Variants in KIAA0586 observed in about 807,000 individuals in gnomAD.
KIAA0586 encodes protein TALPID3.
In KIAA0586, 144 loss-of-function variants were observed where a neutral mutation model predicts 169.8. The ratio of observed to expected loss-of-function variants is 0.85; its 90% CI spans 0.74 to 0.97. KIAA0586 has a LOEUF of 0.97. Among genes scored for constraint, KIAA0586 ranks in the 50% least tolerant of loss-of-function variants. The pLI is 0.00. For synonymous variants in KIAA0586, 625 were observed against 612.4 expected (o/e 1.02, Z -0.30); for missense variants, 1,854 against 1,823.0 (o/e 1.02, Z -0.31).
rs1442622583 is a variant in KIAA0586 at position 58,434,305 on chromosome 14, G to T, written c.410+1848G>T. 2.6e-5 allele frequency among the ~76,000 whole-genome samples: 4 copies of T among 152,028 alleles called. No homozygotes were observed. In the East Asian group the frequency reaches 7.7e-4, roughly 29 times the overall value. On this transcript the variant is annotated intron_variant, in intron 4 of 30. Transcript: ENST00000652326. The stretch of plus-strand genomic sequence containing the variant: ...TACAAATTAAGAAATCTAGATGAAA[G>T]AAATAACTCACCAAAAATAACCATA...
chr14:58,450,507 C>G lies in KIAA0586; in HGVS notation c.962-72C>G, dbSNP rs1748970. 1 allele frequency: 800,535 copies of G among 802,190 alleles called. 399,450 individuals carry two copies. The highest frequency in any genetic ancestry group is 1 in the East Asian group (38,290 of 38,290). The allele number at this position is 802,190 out of a possible 1,614,324, so 49.7% of individuals were successfully genotyped here. ...TTTGAATTTATTTTTAAAGTATAGG[C>G]AAGAGTAATATGCTATAATTTTTAA... On this transcript the variant is annotated intron_variant, in intron 7 of 30. Transcript: ENST00000652326.
chr14:58,493,856 G>A (rs559002567), intron 26 of KIAA0586, among the ~76,000 whole-genome samples: 186 of 152,104 alleles, frequency 1.2e-3, no homozygotes, highest in African/African-American at 4.1e-3. Flanking sequence ...GAGAGAAAGC[G>A]CATGTGCGGG....
chr14:58,490,879 T>C (rs1008848518), intron 25 of KIAA0586, among the ~76,000 whole-genome samples: 7 of 152,174 alleles, frequency 4.6e-5, no homozygotes, highest in Non-Finnish European at 2.9e-5. Flanking sequence ...CATCTATGTT[T>C]ATTCACATCT....
chr14:58,507,966 A>G (rs1175412162), intron 27 of KIAA0586, among the ~76,000 whole-genome samples: 8 of 151,912 alleles, frequency 5.3e-5, no homozygotes, highest in Non-Finnish European at 1.2e-4. Flanking sequence ...TTGTATTTTT[A>G]GTAGAGACAG....
At chr14:58,473,276 A>G (rs1042369783) in intron 18 of KIAA0586, among the ~76,000 whole-genome samples, 2 of 152,110 alleles carry the variant, frequency 1.3e-5, no homozygotes, top group Non-Finnish European at 2.9e-5. Flanking sequence ...TGTGAAGGGG[A>G]AAGTGGCTAG....
intron 27 of KIAA0586, among the ~76,000 whole-genome samples, chr14:58,507,346 TATCATATATAATATATC>T (rs1257775020): frequency 6.9e-6 from 1 of 145,124 alleles, no homozygotes; most frequent in Non-Finnish European, 1.5e-5. Context: ...AAATATATAA[TATCATATATAATATATC>T]ATATATATGA....
chr14:58,440,468 A>G (rs1183048201), intron 4 of KIAA0586, among the ~76,000 whole-genome samples: 1 of 152,130 alleles, frequency 6.6e-6, no homozygotes, highest in East Asian at 1.9e-4. Context: ...AGTAGCTGGT[A>G]TTACAGGCTC....
chr14:58,534,644 G>A (rs2046174411), intron 29 of KIAA0586, among the ~76,000 whole-genome samples: 1 of 151,970 alleles, frequency 6.6e-6, no homozygotes, highest in African/African-American at 2.4e-5. Flanking sequence ...CAGTGCACTG[G>A]TATTTCAAGG....
chr14:58,554,008 C>G (rs1042190242), downstream of KIAA0586, among the ~76,000 whole-genome samples: 17 of 152,108 alleles, frequency 1.1e-4, no homozygotes, highest in African/African-American at 3.9e-4. Context: ...CCTCACATAT[C>G]TGGTGGTTGC....
intron 4 of KIAA0586, among the ~76,000 whole-genome samples, chr14:58,435,163 G>A (rs2037717584): frequency 6.6e-6 from 1 of 151,984 alleles, no homozygotes; most frequent in Admixed American, 6.6e-5. Flanking sequence ...AGGAATAGAA[G>A]GGTTTAAGTC....
At chr14:58,547,694 C>A in intron 30 of KIAA0586, 87 bp from the exon 31 acceptor site, 1 of 1,195,076 alleles carries the variant, frequency 8.4e-7, no homozygotes, top group Non-Finnish European at 1.2e-6. Context: ...GCCCCCCCAC[C>A]CCAACCTCAT....
Position 58,487,947 on chromosome 14 carries a change from C to T in KIAA0586, c.3365C>T (p.Pro1122Leu), listed in dbSNP as rs1396963490. 2 of 1,613,750 alleles carry T rather than the reference C, an allele frequency of 1.2e-6. No homozygotes were observed. The highest frequency in any genetic ancestry group is 1.7e-6 in the Non-Finnish European group (2 of 1,179,802). The stretch of plus-strand genomic sequence containing the variant: ...CCAACAGTTACCCCTACTACTACAC[C>T]TCCTCCAGCGGCGGCAGTTTTTACC... ...NTPTVTPTTT[P>L]PPAAAVFTPT... The change falls in exon 23 of 31, where the codon CCT (proline) becomes CTT (leucine). Residue 1122 changes from proline to leucine, a missense_variant. By Grantham distance (98) the Pro-to-Leu change is moderately conservative. Transcript: ENST00000652326.
chr14:58,561,194 G>C, the KIAA0586 span, among the ~76,000 whole-genome samples: 2 of 152,088 alleles, frequency 1.3e-5, no homozygotes. Context: ...CAGAGAAAGC[G>C]TGTGTGTGTG....
chr14:58,454,422 A>G (rs1595163788), intron 9 of KIAA0586, among the ~76,000 whole-genome samples: 1 of 152,334 alleles, frequency 6.6e-6, no homozygotes, highest in South Asian at 2.1e-4. Context: ...CTTTTAAATC[A>G]GATAGGAAAA....
intron 13 of KIAA0586, among the ~76,000 whole-genome samples, chr14:58,460,740 C>G (rs1276479222): frequency 6.6e-6 from 1 of 151,904 alleles, no homozygotes; most frequent in African/African-American, 2.4e-5. Context: ...CTTGTTGGTG[C>G]TGAAAATATA....
chr14:58,502,780 A>G (rs1169342084), intron 27 of KIAA0586, among the ~76,000 whole-genome samples: 1 of 152,244 alleles, frequency 6.6e-6, no homozygotes, highest in Non-Finnish European at 1.5e-5. Flanking sequence ...GACTTTGCCT[A>G]TAGAAAACTA....
intron 27 of KIAA0586, among the ~76,000 whole-genome samples, chr14:58,500,030 T>A (rs998127280): frequency 3.3e-5 from 5 of 152,240 alleles, no homozygotes; most frequent in Non-Finnish European, 5.9e-5. Flanking sequence ...TAAATAAACT[T>A]TCTGTTGTGA....
At chr14:58,513,057 A>G (rs188390983) in intron 29 of KIAA0586, among the ~76,000 whole-genome samples, 15 of 152,206 alleles carry the variant, frequency 9.9e-5, no homozygotes. Flanking sequence ...CTCATATTAC[A>G]TACTGTGATA....
intron 29 of KIAA0586, among the ~76,000 whole-genome samples, chr14:58,534,791 A>G (rs1040544115): frequency 2.6e-5 from 4 of 152,238 alleles, no homozygotes; most frequent in Non-Finnish European, 5.9e-5. Context: ...ATTGGAAAAA[A>G]GTTTAAAACT....
Sources: gnomAD v4.1 joint callset for allele counts (sites outside exome capture counted in the v4.1 genomes callset) on GRCh38, gnomAD v4.1.1 for gene constraint, MANE v1.5 for transcripts, NCBI Gene and HGNC (gene_info 2026-07-23, HGNC 2026-07-21) for gene names.